Variants in MORC4 observed in about 807,000 individuals in gnomAD.
MORC4 encodes MORC family CW-type zinc finger 4, also known as MORC family CW-type zinc finger protein 4.
A neutral mutation model predicts 65.5 loss-of-function variants in MORC4; 22 were observed. That is an observed-to-expected ratio of 0.34 (90% CI 0.24 to 0.48). The LOEUF (loss-of-function observed/expected upper bound fraction) is 0.48. MORC4 is among the 20% of genes least tolerant of loss of function. The probability of loss-of-function intolerance (pLI) is 0.99; values close to 1 mark genes in which losing one functional copy is unlikely to be tolerated. For synonymous variants in MORC4, 267 were observed against 255.8 expected, an observed-to-expected ratio of 1.04 and a Z score of -0.42; for missense variants, 624 against 703.0, an observed-to-expected ratio of 0.89 and a Z score of 1.27.
chrX:106,991,634 G>T (rs1036719346), intron 3 of MORC4, among the ~76,000 whole-genome samples: 2 of 111,864 alleles, frequency 1.8e-5, no homozygotes. Flanking sequence ...TGGGTGCGGT[G>T]GTTCACACCT....
In MORC4 at chrX:106,941,261, A is replaced by C. The variant is rs1020535639; in HGVS notation, c.*218T>G. Reference sequence around the variant, plus strand: ...TTGCTTTTCTGACCCTAGACTCTTGAAAGCCTATTTAAACTGGCCTCTTTC... The same window carrying C: ...TTGCTTTTCTGACCCTAGACTCTTGCAAGCCTATTTAAACTGGCCTCTTTC... On this transcript the variant is annotated 3_prime_UTR_variant, in exon 17 of 17. Coordinates refer to ENST00000355610, the MANE Select transcript of MORC4 (RefSeq NM_024657.5). 2.7e-5 allele frequency: 9 copies of C among 329,130 alleles called. No homozygotes were observed. The highest frequency in any genetic ancestry group is 5.4e-5 in the Admixed American group (1 of 18,405). The allele number at this position is 329,130 out of a possible 1,213,427, so 27.1% of individuals were successfully genotyped here.
chrX:106,988,139 G>T (rs1934908905), intron 3 of MORC4, among the ~76,000 whole-genome samples: 1 of 111,994 alleles, frequency 8.9e-6, no homozygotes, highest in Admixed American at 9.5e-5. Context: ...TCAGACCTAA[G>T]GTCACATCTA....
chrX:106,958,285 G>A (rs199944549), intron 11 of MORC4, 51 bp downstream of exon 11: 91 of 1,113,319 alleles, frequency 8.2e-5, no homozygotes, highest in Non-Finnish European at 1.1e-4. Flanking sequence ...TTAGACTATA[G>A]AGATAAATCA....
At chrX:106,943,587 C>T (rs1933753994) in intron 14 of MORC4, among the ~76,000 whole-genome samples, 1 of 112,150 alleles carries the variant, frequency 8.9e-6, no homozygotes, top group South Asian at 3.7e-4. Context: ...ATAAAAAGGC[C>T]ATAAAAAGCC....
chrX:106,952,286 C>G (rs1465047092), intron 14 of MORC4, among the ~76,000 whole-genome samples: 1 of 111,991 alleles, frequency 8.9e-6, no homozygotes, highest in Non-Finnish European at 1.9e-5. Context: ...TACTATACAC[C>G]TAGGCAATAG....
chrX:106,994,545 T>C (rs1935042385), intron 2 of MORC4, among the ~76,000 whole-genome samples: 1 of 112,402 alleles, frequency 8.9e-6, no homozygotes, highest in Non-Finnish European at 1.9e-5. Flanking sequence ...ATTACAAATA[T>C]GCAAAACACC....
At position 106,947,593 on chromosome X, in the gene MORC4, T is replaced by TATA. The variant is rs1555982187; in HGVS notation, c.1686-4391_1686-4389dup. 6.0e-3 allele frequency among the ~76,000 whole-genome samples: 483 copies of TATA among 79,983 alleles called. 6 individuals are homozygous for TATA. The highest frequency in any genetic ancestry group is 0.02 in the African/African-American group (454 of 22,208). The allele number at this position is 79,983 out of a possible 115,157, so 69.5% of individuals were successfully genotyped here. ...ATATTATATATATATATATATATAA[T>TATA]ATATATATATATAAAACACACTTTA... is the stretch of plus-strand genomic sequence containing the variant. On this transcript the variant is annotated intron_variant, in intron 14 of 16. Transcript: ENST00000355610.
rs765127746 is a variant in MORC4, at chrX:106,944,787, TGTCACTA to T, written c.1686-1589_1686-1583del. On this transcript the variant is annotated intron_variant, in intron 14 of 16. Coordinates refer to ENST00000355610, the MANE Select transcript of MORC4 (RefSeq NM_024657.5). ...TATTTGTGTTACAACAGCACCAAAC[TGTCACTA>T]ATATTTATACGGTAGGTTTATACAT... Among the ~76,000 whole-genome samples the T allele has an allele frequency of 9.9e-5, 11 of 111,657 alleles. No individual in the cohort carries two copies. In the South Asian group the frequency reaches 4.2e-3, roughly 43 times the overall value.
chrX:106,986,292 T>A (rs1161478542), intron 3 of MORC4, 92 bp from the exon 4 acceptor site: 1 of 630,710 alleles, frequency 1.6e-6, no homozygotes, highest in Non-Finnish European at 2.4e-6. Flanking sequence ...ATATTTGGCC[T>A]ACAAATAAAT....
chrX:106,975,047 T>A (rs953222704), intron 9 of MORC4, among the ~76,000 whole-genome samples: 1 of 111,457 alleles, frequency 9.0e-6, no homozygotes, highest in Non-Finnish European at 1.9e-5. Flanking sequence ...ACTATCTCTA[T>A]CTGATCCACT....
Position 106,942,133 on chromosome X carries a change from G to A in MORC4, c.2465C>T (p.Ala822Val), listed in dbSNP as rs752110087. The stretch of plus-strand genomic sequence containing the variant: ...TTTCTTGCTCCAGTACAAGCCTTCC[G>A]CCTCCTGGGTACTGTAGATCACCAA... ...HELVIYSTQE[A>V]EGLYWSKKHM... The change falls in exon 16 of 17, where the codon GCG (alanine) becomes GTG (valine). Residue 822 changes from alanine to valine, a missense_variant. By Grantham distance (64) the Ala-to-Val change is moderately conservative. Coordinates refer to ENST00000355610, the MANE Select transcript of MORC4 (RefSeq NM_024657.5). The A allele has an allele frequency of 2.1e-5, 25 of 1,208,809 alleles. No individual in the cohort carries two copies. The East Asian group carries it at 2.4e-4, about 11-fold the overall frequency.
At chrX:106,984,222 G>A (rs1934810112) in intron 5 of MORC4, among the ~76,000 whole-genome samples, 1 of 108,558 alleles carries the variant, frequency 9.2e-6, no homozygotes, top group Admixed American at 9.9e-5. Context: ...GGAGGTGAAG[G>A]TTACAGTGAA....
intron 14 of MORC4, among the ~76,000 whole-genome samples, chrX:106,951,265 T>G (rs1933961019): frequency 8.9e-6 from 1 of 112,564 alleles, no homozygotes; most frequent in Admixed American, 9.4e-5. Flanking sequence ...TTTGTTAACC[T>G]TTAAAAATAT....
intron 14 of MORC4, among the ~76,000 whole-genome samples, chrX:106,944,156 CATA>C (rs1274569941): frequency 8.9e-6 from 1 of 112,167 alleles, no homozygotes; most frequent in Non-Finnish European, 1.9e-5. Context: ...CAAGGTTGCC[CATA>C]TTTCTCTGTA....
intron 14 of MORC4, among the ~76,000 whole-genome samples, chrX:106,952,427 T>C (rs1469300540): frequency 8.9e-6 from 1 of 112,522 alleles, no homozygotes; most frequent in Non-Finnish European, 1.9e-5. Context: ...AAAAATACAG[T>C]ATTGTAAGTT....
At chrX:106,992,461 G>A (rs1935001169) in intron 3 of MORC4, among the ~76,000 whole-genome samples, 1 of 112,328 alleles carries the variant, frequency 8.9e-6, no homozygotes, top group Non-Finnish European at 1.9e-5. Context: ...AGGAGTTGAA[G>A]GAATACTCAT....
Position 106,947,581 on chromosome X carries a change from A to ATG in MORC4, c.1686-4377_1686-4376insCA, listed in dbSNP as rs1437375135. Among the ~76,000 whole-genome samples the ATG allele has an allele frequency of 1.2e-4, 11 of 90,443 alleles. No individual in the cohort carries two copies. In the South Asian group the frequency reaches 6.0e-3, roughly 50 times the overall value. 78.5% of individuals were successfully genotyped at this position (90,443 alleles called of 115,157 possible). On this transcript the variant is annotated intron_variant, in intron 14 of 16. Transcript: ENST00000355610. ...ATCTATATATATATATTATATATATATATATATATAATATATATATATATA... is the reference window on the plus strand; with the variant it reads ...ATCTATATATATATATTATATATATATGTATATATATAATATATATATATATA...
chrX:106,949,141 GT>G (rs1297822178), intron 14 of MORC4, among the ~76,000 whole-genome samples: 2 of 111,417 alleles, frequency 1.8e-5, no homozygotes, highest in East Asian at 5.6e-4. Flanking sequence ...CTATCTTCAA[GT>G]TTTTTTATTC....
rs184885687 is a variant in MORC4 at position 106,967,387 on chromosome X, C to A, written c.1158-5277G>T. Among the ~76,000 whole-genome samples, 509 of 111,836 alleles carry A rather than the reference C, an allele frequency of 4.6e-3. 1 individual carries two copies. The highest frequency in any genetic ancestry group is 0.016 in the African/African-American group (498 of 30,788). ...ACCAGAGCAGAAAGGCTGAAAATTC[C>A]AAAAACCAGAACACCTCTTCTCCTC... On this transcript the variant is annotated intron_variant, in intron 9 of 16. Coordinates refer to ENST00000355610, the MANE Select transcript of MORC4 (RefSeq NM_024657.5).
Sources: gnomAD v4.1 joint callset for allele counts (sites outside exome capture counted in the v4.1 genomes callset) on GRCh38, gnomAD v4.1.1 for gene constraint, MANE v1.5 for transcripts, NCBI Gene and HGNC (gene_info 2026-07-23, HGNC 2026-07-21) for gene names.